Variants in GDF6 observed in about 807,000 individuals in gnomAD.
GDF6 encodes the protein growth differentiation factor 6.
In GDF6, 3 loss-of-function variants were observed where a neutral mutation model predicts 32.4. The observed-to-expected ratio is 0.09, with a 90% confidence interval of 0.04 to 0.24. The LOEUF is 0.24. GDF6 is among the 10% of genes least tolerant of loss of function. GDF6 has a pLI of 1.00. For missense variants in GDF6, 589 were observed against 637.9 expected, an observed-to-expected ratio of 0.92 and a Z score of 0.83; for synonymous variants, 296 against 295.3, an observed-to-expected ratio of 1.00 and a Z score of -0.03.
intron 1 of GDF6, among the ~76,000 whole-genome samples, chr8:96,156,967 C>T (rs1586124307): frequency 1.3e-5 from 2 of 152,204 alleles, no homozygotes; most frequent in South Asian, 2.1e-4. Context: ...TAGGCCCCAC[C>T]TCTCGCTAGC....
At chr8:96,149,178 TA>T (rs931820205) in intron 1 of GDF6, among the ~76,000 whole-genome samples, 6 of 152,204 alleles carry the variant, frequency 3.9e-5, no homozygotes, top group Admixed American at 1.3e-4. Flanking sequence ...CCCCTTTGAC[TA>T]AAAAAACATG....
rs1378498796 is a variant in GDF6, at chr8:96,145,688, GGTGCA to G, written c.407-169_407-165del. Among the ~76,000 whole-genome samples the G allele has an allele frequency of 6.6e-6, 1 of 152,184 alleles. No individual in the cohort carries two copies. Among genetic ancestry groups the G allele is most frequent in the African/African-American group, 2.4e-5 (1 of 41,464 alleles). ...GACCACCCCGGCTCCCCATCTGGCT[GGTGCA>G]TGGCGCGGGGAAGGGGGCGCGCCAG... On this transcript the variant is annotated intron_variant, in intron 1 of 1. Coordinates refer to ENST00000287020, the MANE Select transcript of GDF6 (RefSeq NM_001001557.4). This position sits in a 1 kb window ranked among gnomAD's most constrained non-coding sequence, Gnocchi z 5.6.
chr8:96,154,952 G>T (rs932230334), intron 1 of GDF6, among the ~76,000 whole-genome samples: 4 of 152,204 alleles, frequency 2.6e-5, no homozygotes, highest in African/African-American at 4.8e-5. Context: ...CGTTCCCCGC[G>T]GGTCCAGGTG....
chr8:96,144,266 G>GAGAGAGAGAGAT lies in GDF6; in HGVS notation c.*296_*297insATCTCTCTCTCT. Reference sequence around the variant, plus strand: ...TAATAGAGAGAGAGAGAGAGAGAGAGAGAGAGAGAGAGAGAGAGAGAGAGA... The same window carrying GAGAGAGAGAGAT: ...TAATAGAGAGAGAGAGAGAGAGAGAGAGAGAGAGAGATAGAGAGAGAGAGAGAGAGAGAGAGA... On this transcript the variant is annotated 3_prime_UTR_variant, in exon 2 of 2. Coordinates refer to ENST00000287020, the MANE Select transcript of GDF6 (RefSeq NM_001001557.4). This position sits in a 1 kb window ranked among gnomAD's most constrained non-coding sequence, Gnocchi z 5.1. 2.3e-6 allele frequency: 1 copy of GAGAGAGAGAGAT among 444,276 alleles called. No individual in the cohort carries two copies. Among genetic ancestry groups the GAGAGAGAGAGAT allele is most frequent in the South Asian group, 2.2e-5 (1 of 46,400 alleles). The allele number at this position is 444,276 out of a possible 1,614,324, so 27.5% of individuals were successfully genotyped here. A position where few individuals can be genotyped will look rare whatever the true frequency, so the allele number is the denominator to read the frequency against.
At chr8:96,152,021 A>T (rs1812576816) in intron 1 of GDF6, among the ~76,000 whole-genome samples, 1 of 152,224 alleles carries the variant, frequency 6.6e-6, no homozygotes, top group South Asian at 2.1e-4. Flanking sequence ...TTCTAGGGGA[A>T]GGTGCACCTG....
chr8:96,142,583 C>T lies in GDF6; in HGVS notation c.*1980G>A, dbSNP rs1408333559. The T allele has an allele frequency of 6.6e-6, 1 of 152,578 alleles. No individual in the cohort carries two copies. Among genetic ancestry groups the T allele is most frequent in the African/African-American group, 2.4e-5 (1 of 41,434 alleles). The allele number at this position is 152,578 out of a possible 1,614,324, so 9.5% of individuals were successfully genotyped here. A position where few individuals can be genotyped will look rare whatever the true frequency, so the allele number is the denominator to read the frequency against. ...CTGATTAATGCTTAACTTTGTACAA[C>T]TCGAATATAAACTTTAAAAATATTA... On this transcript the variant is annotated 3_prime_UTR_variant, in exon 2 of 2. Coordinates refer to ENST00000287020, the MANE Select transcript of GDF6 (RefSeq NM_001001557.4).
Position 96,145,153 on chromosome 8 carries a change from G to A in GDF6, c.778C>T (p.Leu260=). ...CTCCGGCCGAAGCCCAGACTCCGCA[G>A]GTCCGGGGGCGGCGGTTGCTGGGGT... ...RGPQQPPPPD[L]RSLGFGRRVR... The change falls in exon 2 of 2, where the codon CTG becomes TTG. Residue 260 remains leucine (L), a synonymous_variant. Transcript: ENST00000287020. The surrounding 1 kb of genome is among the most constrained non-coding windows in gnomAD (Gnocchi z 5.6). 1 of 1,510,626 alleles carries A rather than the reference G, an allele frequency of 6.6e-7. No homozygotes were observed. The highest frequency in any genetic ancestry group is 8.8e-7 in the Non-Finnish European group (1 of 1,137,870). The allele number at this position is 1,510,626 out of a possible 1,614,324, so 93.6% of individuals were successfully genotyped here. A position where few individuals can be genotyped will look rare whatever the true frequency, so the allele number is the denominator to read the frequency against.
rs769923080 is a variant in GDF6, at chr8:96,160,426, A to G, written c.267T>C (p.Gly89=). 3 of 1,613,798 alleles carry G rather than the reference A, an allele frequency of 1.9e-6. No homozygotes were observed. In the African/African-American group the frequency reaches 4.0e-5, roughly 22 times the overall value. Residue 89 remains glycine, a synonymous_variant, in exon 1 of 2, where the codon GGT becomes GGC. Coordinates refer to ENST00000287020, the MANE Select transcript of GDF6 (RefSeq NM_001001557.4). ...TGTACTCGTGGGGCACCACGCGCGGACCCCTGCCTGGCGGCTCCTGCGCCC... is the reference window on the plus strand; with the variant it reads ...TGTACTCGTGGGGCACCACGCGCGGGCCCCTGCCTGGCGGCTCCTGCGCCC... The part of the protein sequence containing the change: ...QPRAQEPPGR[G]PRVVPHEYML...
At chr8:96,153,837 T>C (rs1158205445) in intron 1 of GDF6, among the ~76,000 whole-genome samples, 1 of 152,070 alleles carries the variant, frequency 6.6e-6, no homozygotes, top group Non-Finnish European at 1.5e-5. Flanking sequence ...CTGTGCTCTT[T>C]AAGGTGCTGG....
At chr8:96,160,077 G>A (rs368267611) in intron 1 of GDF6, among the ~76,000 whole-genome samples, 1 of 152,244 alleles carries the variant, frequency 6.6e-6, no homozygotes, top group Non-Finnish European at 1.5e-5. Context: ...AGAAAGAAAG[G>A]GGGGGAAAGG....
At chr8:96,157,307 T>G (rs1191249300) in intron 1 of GDF6, among the ~76,000 whole-genome samples, 2 of 152,164 alleles carry the variant, frequency 1.3e-5, no homozygotes, top group Non-Finnish European at 2.9e-5. Flanking sequence ...TTTATAAACC[T>G]AAAGCGTCCT....
At chr8:96,154,304 C>T (rs900786655) in intron 1 of GDF6, among the ~76,000 whole-genome samples, 1 of 152,136 alleles carries the variant, frequency 6.6e-6, no homozygotes, top group African/African-American at 2.4e-5. Context: ...CGTTGTCCAG[C>T]GCCGCCCGCC....
intron 1 of GDF6, among the ~76,000 whole-genome samples, chr8:96,157,216 T>A (rs770081221): frequency 4.5e-4 from 68 of 152,030 alleles, no homozygotes; most frequent in Non-Finnish European, 8.7e-4. Context: ...GTTTGTTTGG[T>A]TTCTTTTTTT....
Position 96,145,158 on chromosome 8 carries a change from G to C in GDF6, c.773C>G (p.Pro258Arg), listed in dbSNP as rs1479616197. The change falls in exon 2 of 2, where the codon CCG (proline) becomes CGG (arginine). Residue 258 changes from proline to arginine, a missense_variant. Physicochemically the swap from Pro to Arg is moderately radical, Grantham distance 103. Around this residue, in one of 2 missense-constraint regions of GDF6, gnomAD observed 436 missense variants for 411.2 expected, o/e 1.06. Transcript: ENST00000287020. The surrounding 1 kb of genome is among the most constrained non-coding windows in gnomAD (Gnocchi z 5.6). ...RARGPQQPPPPDLRSLGFGRR... is the reference protein window; with the variant it reads ...RARGPQQPPPRDLRSLGFGRR... ...GCCGAAGCCCAGACTCCGCAGGTCC[G>C]GGGGCGGCGGTTGCTGGGGTCCCCG... The C allele has an allele frequency of 4.0e-6, 6 of 1,502,118 alleles. No individual in the cohort carries two copies. Among genetic ancestry groups the C allele is most frequent in the Non-Finnish European group, 5.3e-6 (6 of 1,133,498 alleles). 93.0% of individuals were successfully genotyped at this position (1,502,118 alleles called of 1,614,324 possible). A position where few individuals can be genotyped will look rare whatever the true frequency, so the allele number is the denominator to read the frequency against.
chr8:96,151,637 A>G (rs1812570576), intron 1 of GDF6, among the ~76,000 whole-genome samples: 1 of 152,220 alleles, frequency 6.6e-6, no homozygotes, highest in South Asian at 2.1e-4. Flanking sequence ...AGAAATGTCG[A>G]TGATTGGACT....
At chr8:96,157,969 C>T (rs556676033) in intron 1 of GDF6, among the ~76,000 whole-genome samples, 2 of 152,176 alleles carry the variant, frequency 1.3e-5, no homozygotes, top group Admixed American at 6.5e-5. Flanking sequence ...CTGCGCACCC[C>T]TCCCGCCCGT....
At chr8:96,147,326 C>G (rs1433967923) in intron 1 of GDF6, among the ~76,000 whole-genome samples, 2 of 152,188 alleles carry the variant, frequency 1.3e-5, no homozygotes, top group Non-Finnish European at 2.9e-5. Flanking sequence ...TCAAACAGAC[C>G]AGGGTCACAT....
chr8:96,150,294 C>T (rs1316357529), intron 1 of GDF6, among the ~76,000 whole-genome samples: 1 of 152,230 alleles, frequency 6.6e-6, no homozygotes, highest in African/African-American at 2.4e-5. Context: ...GCCTCCCAGC[C>T]ATGTTCTCCG....
rs1812413585 is a variant in GDF6 at position 96,143,981 on chromosome 8, C to G, written c.*582G>C. 1 of 159,978 alleles carries G rather than the reference C, an allele frequency of 6.3e-6. No individual in the cohort carries two copies. The highest frequency in any genetic ancestry group is 1.4e-5 in the Non-Finnish European group (1 of 72,128). 9.9% of individuals were successfully genotyped at this position (159,978 alleles called of 1,614,324 possible). On this transcript the variant is annotated 3_prime_UTR_variant, in exon 2 of 2. Coordinates refer to ENST00000287020, the MANE Select transcript of GDF6 (RefSeq NM_001001557.4). ...ATTCCTGACTTAACTATTCTTTTTGCCAATTTCCCTATCTAACACTTTCTG... is the reference window on the plus strand; with the variant it reads ...ATTCCTGACTTAACTATTCTTTTTGGCAATTTCCCTATCTAACACTTTCTG...
Sources: gnomAD v4.1 joint callset for allele counts (sites outside exome capture counted in the v4.1 genomes callset) on GRCh38, gnomAD v4.1.1 for gene constraint, gnomAD v4.1.1 regional missense constraint, Gnocchi (gnomAD v3.1) non-coding constraint, MANE v1.5 for transcripts, NCBI Gene and HGNC (gene_info 2026-07-23, HGNC 2026-07-21) for gene names.